The following GNG2 variants were observed in gnomAD, a reference collection of about 807,000 sequenced individuals.
GNG2 encodes the protein G protein subunit gamma 2.
A neutral mutation model predicts 5.5 loss-of-function variants in GNG2; 5 were observed. The ratio of observed to expected loss-of-function variants is 0.91; its 90% CI spans 0.48 to 1.92. The LOEUF is 1.92. Among genes scored for constraint, GNG2 ranks in the 30% most tolerant of loss-of-function variants. The pLI is 0.01. For synonymous variants in GNG2, 28 were observed against 32.0 expected (o/e 0.88, Z 0.42); for missense variants, 55 against 88.4 (o/e 0.62, Z 1.52).
At chr14:51,827,626 G>C (rs887121038) in intron 1 of GNG2, 1 of 687,120 alleles carries the variant, frequency 1.5e-6, no homozygotes, top group South Asian at 1.5e-5. Flanking sequence ...GCTGTGATTA[G>C]TGTGTTGGAT....
intron 2 of GNG2, chr14:51,841,443 G>A (rs1881479018): frequency 2.6e-5 from 17 of 664,488 alleles, no homozygotes; most frequent in Non-Finnish European, 4.7e-5. Context: ...TGTTCTGTAT[G>A]AATTCATATA....
chr14:51,832,932 C>T (rs568329591), intron 2 of GNG2, among the ~76,000 whole-genome samples: 3 of 152,186 alleles, frequency 2.0e-5, no homozygotes, highest in South Asian at 4.1e-4. Flanking sequence ...ATTTTACACA[C>T]TTCTGAATTC....
At chr14:51,878,649 A>G (rs1883837218) in intron 2 of GNG2, among the ~76,000 whole-genome samples, 1 of 152,170 alleles carries the variant, frequency 6.6e-6, no homozygotes, top group Non-Finnish European at 1.5e-5. Context: ...GTCCTTCCTT[A>G]GGATAAGAGG....
intron 2 of GNG2, among the ~76,000 whole-genome samples, chr14:51,829,079 G>A (rs1255739958): frequency 6.6e-6 from 1 of 152,184 alleles, no homozygotes; most frequent in Non-Finnish European, 1.5e-5. Context: ...GCACTGATAG[G>A]TAGAACAGAC....
At chr14:51,841,207 A>G (rs1167063213) in intron 2 of GNG2, among the ~76,000 whole-genome samples, 4 of 152,202 alleles carry the variant, frequency 2.6e-5, no homozygotes, top group Non-Finnish European at 5.9e-5. Context: ...GGATAGCACC[A>G]CAGGAGACCC....
chr14:51,918,480 A>C (rs1050832236), intron 2 of GNG2: 2 of 152,218 alleles, frequency 1.3e-5, no homozygotes, highest in African/African-American at 4.8e-5. Context: ...CAACTTACAC[A>C]AAGATATTTT....
At chr14:51,910,874 T>C (rs1045792572) in intron 2 of GNG2, among the ~76,000 whole-genome samples, 2 of 152,262 alleles carry the variant, frequency 1.3e-5, no homozygotes, top group Non-Finnish European at 2.9e-5. Flanking sequence ...AGAATGCCTC[T>C]AGAACAGCAC....
intron 2 of GNG2, chr14:51,916,352 T>A (rs1430937157): frequency 7.5e-6 from 3 of 401,894 alleles, no homozygotes; most frequent in Non-Finnish European, 1.5e-5. Context: ...AATGGAGTAG[T>A]TGAGAATAGT....
intron 2 of GNG2, among the ~76,000 whole-genome samples, chr14:51,894,816 A>C (rs1336167088): frequency 6.6e-6 from 1 of 152,138 alleles, no homozygotes; most frequent in East Asian, 1.9e-4. Context: ...ATTTCTAAAA[A>C]CTAGAATTTA....
chr14:51,828,468 A>T (rs1294639449), intron 2 of GNG2, among the ~76,000 whole-genome samples: 1 of 152,152 alleles, frequency 6.6e-6, no homozygotes, highest in East Asian at 1.9e-4. Flanking sequence ...GGGCAGGAGG[A>T]AAAAAGGAGG....
Position 51,842,953 on chromosome 14 carries a change from C to G in GNG2, c.64+15146C>G, listed in dbSNP as rs144048395. ...GTGCTGGGATTACAGGCGTGAGCCA[C>G]CACGCCTGGCCTATTTGCCAGAATT... is the stretch of plus-strand genomic sequence containing the variant. On this transcript the variant is annotated intron_variant, in intron 2 of 3. Transcript: ENST00000553432. Among the ~76,000 whole-genome samples, 3 of 152,298 alleles carry G rather than the reference C, an allele frequency of 2.0e-5. No homozygotes were observed. In the East Asian group the frequency reaches 5.8e-4, roughly 29 times the overall value.
chr14:51,872,425 A>G (rs1883368394), intron 1 of GNG2, among the ~76,000 whole-genome samples: 1 of 152,130 alleles, frequency 6.6e-6, no homozygotes, highest in Admixed American at 6.5e-5. Context: ...GTTTATTTCC[A>G]CTTCACACAG....
intron 2 of GNG2, among the ~76,000 whole-genome samples, chr14:51,884,852 G>A (rs1276809954): frequency 2.0e-5 from 3 of 152,162 alleles, no homozygotes; most frequent in Admixed American, 6.5e-5. Flanking sequence ...ACCAGACCAC[G>A]ATAGTTGGTT....
In GNG2 at chr14:51,942,594, T is replaced by TC. The variant is rs1371220160; in HGVS notation, c.-29-8056_-29-8055insC. Among the ~76,000 whole-genome samples, 4 of 137,630 alleles carry TC rather than the reference T, an allele frequency of 2.9e-5. No individual in the cohort carries two copies. The East Asian group carries it at 8.1e-4, about 28-fold the overall frequency. 90.3% of individuals were successfully genotyped at this position (137,630 alleles called of 152,430 possible). The stretch of plus-strand genomic sequence containing the variant: ...TTCTCTTTCTTTCTTTCTTTCTTTT[T>TC]TTTTTTTTTTTTAGAGACAGGGACT... On this transcript the variant is annotated intron_variant, in intron 2 of 3. Coordinates refer to ENST00000556766, the MANE Select transcript of GNG2 (RefSeq NM_053064.5).
At chr14:51,927,664 G>T (rs944624767) in intron 2 of GNG2, among the ~76,000 whole-genome samples, 10 of 152,156 alleles carry the variant, frequency 6.6e-5, no homozygotes, top group African/African-American at 2.4e-4. Context: ...TCCAAGCACT[G>T]CCTGGTACAT....
intron 3 of GNG2, among the ~76,000 whole-genome samples, chr14:51,966,302 C>T (rs963261130): frequency 2.6e-5 from 4 of 151,890 alleles, no homozygotes; most frequent in Non-Finnish European, 1.5e-5. Context: ...CATGCCCCTG[C>T]CAGCGAGTGC....
chr14:51,903,378 A>G (rs927125729), intron 2 of GNG2, among the ~76,000 whole-genome samples: 1 of 152,220 alleles, frequency 6.6e-6, no homozygotes, highest in Non-Finnish European at 1.5e-5. Context: ...TATTTTTGCT[A>G]GATGCAATGC....
chr14:51,854,735 AC>A (rs1344856927), intron 2 of GNG2, among the ~76,000 whole-genome samples: 1 of 151,616 alleles, frequency 6.6e-6, no homozygotes, highest in Non-Finnish European at 1.5e-5. Context: ...CTGCTCTCAA[AC>A]CCCTGACCTC....
At chr14:51,896,752 A>G (rs1378219039) in intron 2 of GNG2, among the ~76,000 whole-genome samples, 1 of 152,244 alleles carries the variant, frequency 6.6e-6, no homozygotes, top group Non-Finnish European at 1.5e-5. Context: ...TAGCGAAAAT[A>G]AGAAAGATAG....
Sources: gnomAD v4.1 joint callset for allele counts (sites outside exome capture counted in the v4.1 genomes callset) on GRCh38, gnomAD v4.1.1 for gene constraint, MANE v1.5 for transcripts, NCBI Gene and HGNC (gene_info 2026-07-23, HGNC 2026-07-21) for gene names.